NTRK1: variants seen among roughly 807,000 people sequenced by gnomAD.
The protein encoded by NTRK1 is high affinity nerve growth factor receptor.
Under a neutral mutation model 86.8 loss-of-function variants are expected in NTRK1, and 62 were observed. That is an observed-to-expected ratio of 0.71 (90% confidence interval 0.58 to 0.88). The LOEUF is 0.88. NTRK1 is among the 40% of genes least tolerant of loss of function. The pLI, the probability that NTRK1 is intolerant of heterozygous loss-of-function variation, is 0.00. For synonymous variants in NTRK1, 469 were observed against 456.6 expected (o/e 1.03, Z -0.35); for missense variants, 967 against 1,078.4 (o/e 0.90, Z 1.45).
intron 1 of NTRK1, chr1:156,815,843 T>A (rs1199057824): frequency 1.2e-6 from 2 of 1,613,980 alleles, no homozygotes; most frequent in South Asian, 2.2e-5. Flanking sequence ...AAGGAGGTAC[T>A]CCTCATTTTC....
At chr1:156,842,553 C>A in intron 2 of NTRK1, 1 of 1,498,934 alleles carries the variant, frequency 6.7e-7, no homozygotes, top group Non-Finnish European at 9.3e-7. Flanking sequence ...TTCCCCTTGA[C>A]CCATTTGGCC....
At chr1:156,855,735 G>A (rs940763135) in intron 2 of NTRK1, among the ~76,000 whole-genome samples, 1 of 152,128 alleles carries the variant, frequency 6.6e-6, no homozygotes, top group Non-Finnish European at 1.5e-5. Context: ...TGAGGTGGGA[G>A]GATCGCTTGA....
At position 156,875,521 on chromosome 1, in the gene NTRK1, C is replaced by A. The variant is rs2102915077; in HGVS notation, c.1356C>A (p.Arg452=). The change falls in exon 12 of 17, where the codon CGC becomes CGA. Residue 452 remains arginine (R), a splice_region_variant and synonymous_variant. Transcript: ENST00000524377. ...CATGCGGCTGTGTCTCCTCTCTAGG[C>A]CCGGCTGTGCTGGCTCCAGAGGATG... is the stretch of plus-strand genomic sequence containing the variant. ...CGRRNKFGIN[R]PAVLAPEDGL... is the part of the protein sequence containing the mutation. 1 of 1,613,836 alleles carries A rather than the reference C, an allele frequency of 6.2e-7. No individual in the cohort carries two copies. The highest frequency in any genetic ancestry group is 8.5e-7 in the Non-Finnish European group (1 of 1,180,000).
At chr1:156,841,243 G>A in intron 1 of NTRK1, 1 of 963,812 alleles carries the variant, frequency 1.0e-6, no homozygotes, top group African/African-American at 1.6e-5. Context: ...TTAAATGGGA[G>A]TCTTGGGGGT....
intron 11 of NTRK1, among the ~76,000 whole-genome samples, 198 bp downstream of exon 11, chr1:156,875,206 C>T (rs1479987421): frequency 3.3e-5 from 5 of 151,320 alleles, no homozygotes; most frequent in Non-Finnish European, 7.4e-5. Flanking sequence ...CGGGCTGGTG[C>T]TGGGGTAGTT....
chr1:156,851,601 G>T, intron 2 of NTRK1: 1 of 1,613,576 alleles, frequency 6.2e-7, no homozygotes, highest in Non-Finnish European at 8.5e-7. Context: ...CTGGGAGGAA[G>T]GGTATGACCA....
intron 14 of NTRK1, among the ~76,000 whole-genome samples, chr1:156,877,572 A>G (rs1647999080): frequency 6.6e-6 from 1 of 152,094 alleles, no homozygotes; most frequent in African/African-American, 2.4e-5. Flanking sequence ...CCCCGGGAGG[A>G]TGGGGCAGTG....
At chr1:156,875,478 G>C in intron 11 of NTRK1, 42 bp from the exon 12 acceptor site, 1 of 1,612,800 alleles carries the variant, frequency 6.2e-7, no homozygotes, top group Non-Finnish European at 8.5e-7. Flanking sequence ...GCAGGGCCAA[G>C]GTGTGGGCAA....
rs189335131 is a variant in NTRK1 at position 156,819,394 on chromosome 1, T to C, written c.-64+3556T>C. Among the ~76,000 whole-genome samples the C allele has an allele frequency of 4.2e-3, 644 of 152,306 alleles. 3 individuals are homozygous for C. The highest frequency in any genetic ancestry group is 0.014 in the Middle Eastern group (4 of 294). ...ATTGTGATTTTAATTTGCATTTCCC[T>C]GATGATTGTGGTGTTGAGCATTTTT... On this transcript the variant is annotated intron_variant, in intron 1 of 16. Coordinates refer to the NTRK1 transcript ENST00000392302.
At chr1:156,853,936 G>C (rs1655320744) in intron 2 of NTRK1, 5 of 1,613,922 alleles carry the variant, frequency 3.1e-6, no homozygotes, top group Non-Finnish European at 4.2e-6. Flanking sequence ...AGTCAATGGT[G>C]GAGAGGTGGC....
At chr1:156,846,962 A>T (rs1485311310) in intron 2 of NTRK1, among the ~76,000 whole-genome samples, 1 of 152,172 alleles carries the variant, frequency 6.6e-6, no homozygotes, top group Non-Finnish European at 1.5e-5. Flanking sequence ...ATTTGTAATG[A>T]TATAGCTCCT....
In NTRK1 at chr1:156,839,609, G is replaced by C. The variant is rs114990932; in HGVS notation, c.-63-2472G>C. On this transcript the variant is annotated intron_variant, in intron 1 of 16. Transcript: ENST00000392302. ...CCAGACACACAGACCCTGCTCTGCT[G>C]TGTGTTCCCTGGCTTGGGTGGGGGC... 7.6e-3 allele frequency among the ~76,000 whole-genome samples: 1,151 copies of C among 152,348 alleles called. 26 individuals are homozygous for C. In the South Asian group the frequency reaches 0.081, roughly 11 times the overall value.
Position 156,860,966 on chromosome 1 carries a change from G to T in NTRK1, c.32G>T (p.Gly11Val), listed in dbSNP as rs994643260. The change falls in exon 1 of 17, where the codon GGC (glycine) becomes GTC (valine). Residue 11 changes from glycine to valine, a missense_variant. Around this residue, in one of 2 missense-constraint regions of NTRK1, gnomAD observed 330 missense variants for 302.0 expected, o/e 1.09. Transcript: ENST00000524377. MLRGGRRGQL[G>V]WHSWAAGPGS... ...CGAGGCGGACGGCGCGGGCAGCTTG[G>T]CTGGCACAGCTGGGCTGCGGGGCCG... is the stretch of plus-strand genomic sequence containing the variant. 6.6e-7 allele frequency: 1 copy of T among 1,513,822 alleles called. No homozygotes were observed. 93.8% of individuals were successfully genotyped at this position (1,513,822 alleles called of 1,614,324 possible). A position where few individuals can be genotyped will look rare whatever the true frequency, so the allele number is the denominator to read the frequency against.
At position 156,864,796 on chromosome 1, in the gene NTRK1, G is replaced by A. The variant is rs778566154; in HGVS notation, c.356G>A (p.Arg119His). 4.3e-5 allele frequency: 69 copies of A among 1,613,122 alleles called. 1 individual carries two copies. Among genetic ancestry groups the A allele is most frequent in the South Asian group, 1.8e-4 (16 of 90,652 alleles). The change falls in exon 3 of 17, where the codon CGC becomes CAC. Residue 119 changes from arginine (R) to histidine (H), a missense_variant. By Grantham distance (29) the Arg-to-His change is conservative. Around this residue, in one of 2 missense-constraint regions of NTRK1, gnomAD observed 330 missense variants for 302.0 expected, o/e 1.09. Transcript: ENST00000524377. Reference protein sequence around the residue: ...DAFHFTPRLSRLNLSFNALES... With the variant: ...DAFHFTPRLSHLNLSFNALES... ...TTCCATTTCACTCCTCGGCTCAGTCGCCTGTGAGTGTGGCCAGTGCTGGGC... is the reference window on the plus strand; with the variant it reads ...TTCCATTTCACTCCTCGGCTCAGTCACCTGTGAGTGTGGCCAGTGCTGGGC...
chr1:156,836,969 C>A (rs912051173), intron 1 of NTRK1, among the ~76,000 whole-genome samples: 28 of 152,200 alleles, frequency 1.8e-4, no homozygotes, highest in African/African-American at 6.8e-4. Context: ...GATATCCACG[C>A]CCAGTGGTCA....
intron 1 of NTRK1, among the ~76,000 whole-genome samples, chr1:156,839,325 G>T (rs916089303): frequency 2.0e-5 from 3 of 152,260 alleles, no homozygotes; most frequent in Admixed American, 6.5e-5. Flanking sequence ...TGGCATGTGT[G>T]TGGCATGGCA....
In NTRK1 at chr1:156,868,557, C is replaced by T. The variant is rs1293540396; in HGVS notation, c.627C>T (p.Asp209=). Residue 209 remains aspartate (D), a synonymous_variant, in exon 6 of 17, where the codon GAC becomes GAT. Transcript: ENST00000524377. ...CCAATGCCTCGGTGGATGTGGGGGA[C>T]GACGTGCTGCTGCGGTGCCAGGTGG... ...QVPNASVDVG[D]DVLLRCQVEG... 3.3e-5 allele frequency: 51 copies of T among 1,556,364 alleles called. No homozygotes were observed. Among genetic ancestry groups the T allele is most frequent in the Non-Finnish European group, 4.1e-5 (47 of 1,149,796 alleles).
rs752572152 is a variant in NTRK1 at position 156,868,123 on chromosome 1, C to G, written c.448C>G (p.Leu150Val). 1 of 1,613,982 alleles carries G rather than the reference C, an allele frequency of 6.2e-7. No individual in the cohort carries two copies. Among genetic ancestry groups the G allele is most frequent in the Non-Finnish European group, 8.5e-7 (1 of 1,180,056 alleles). ...LQELVLSGNP[L>V]HCSCALRWLQ... ...CCCCAGGGTCCTGTCGGGGAACCCT[C>G]TGCACTGTTCTTGTGCCCTGCGCTG... Residue 150 changes from leucine to valine, a missense_variant, in exon 5 of 17, where the codon CTG becomes GTG. Physicochemically the swap from Leu to Val is conservative, Grantham distance 32. Transcript: ENST00000524377.
chr1:156,880,810 G>C (rs1019893118), intron 16 of NTRK1, among the ~76,000 whole-genome samples: 2 of 152,206 alleles, frequency 1.3e-5, no homozygotes, highest in African/African-American at 4.8e-5. Context: ...TAATAGGGAG[G>C]GGGGAAGAAG....
Sources: allele counts gnomAD v4.1 joint callset (sites outside exome capture counted in the v4.1 genomes callset), GRCh38; gene constraint gnomAD v4.1.1; regional missense constraint gnomAD v4.1.1; transcripts MANE v1.5; gene names NCBI Gene and HGNC (gene_info 2026-07-23, HGNC 2026-07-21).